The following MYO1D variants were observed in gnomAD, a reference collection of about 807,000 sequenced individuals.
The protein encoded by MYO1D is unconventional myosin-Id.
In MYO1D, 83 loss-of-function variants were observed where a neutral mutation model predicts 122.0. That is an observed-to-expected ratio of 0.68 (90% CI 0.57 to 0.82). The LOEUF is 0.82. Among genes scored for constraint, MYO1D ranks in the 40% least tolerant of loss-of-function variants. The pLI is 0.00. For missense variants in MYO1D, 1,157 were observed against 1,269.5 expected (o/e 0.91, Z 1.35); for synonymous variants, 464 against 446.9 (o/e 1.04, Z -0.48).
At chr17:32,765,197 T>C in intron 7 of MYO1D, 116 bp from the exon 8 acceptor site, 1 of 768,112 alleles carries the variant, frequency 1.3e-6, no homozygotes, top group Non-Finnish European at 2.1e-6. Flanking sequence ...AAATACATTA[T>C]ACATCTCAAC....
At chr17:32,784,428 T>C (rs986471690) in intron 1 of MYO1D, among the ~76,000 whole-genome samples, 3 of 152,184 alleles carry the variant, frequency 2.0e-5, no homozygotes, top group Admixed American at 6.5e-5. Flanking sequence ...GTCAGTTTTA[T>C]GGTCTTTGCT....
At chr17:32,511,849 T>C (rs1163877170) in intron 21 of MYO1D, among the ~76,000 whole-genome samples, 3 of 152,208 alleles carry the variant, frequency 2.0e-5, no homozygotes, top group Non-Finnish European at 4.4e-5. Context: ...ATTTGCTTAT[T>C]CAGCTCACCA....
intron 21 of MYO1D, among the ~76,000 whole-genome samples, chr17:32,595,377 T>C (rs2087481413): frequency 6.6e-6 from 1 of 152,198 alleles, no homozygotes; most frequent in Admixed American, 6.5e-5. Context: ...GTGATAGATA[T>C]GCTAATTACC....
At position 32,845,303 on chromosome 17, in the gene MYO1D, A is replaced by C. The variant is rs181362176; in HGVS notation, c.95+31475T>G. Among the ~76,000 whole-genome samples the C allele has an allele frequency of 8.6e-4, 131 of 152,252 alleles. No individual in the cohort carries two copies. The East Asian group carries it at 0.018, about 20-fold the overall frequency. ...TTAATTATGCTTCCTCTCCCTATTCACTCAATAGCCTCTAGGTTTACCCCT... is the reference window on the plus strand; with the variant it reads ...TTAATTATGCTTCCTCTCCCTATTCCCTCAATAGCCTCTAGGTTTACCCCT... On this transcript the variant is annotated intron_variant, in intron 1 of 21. Coordinates refer to ENST00000318217, the MANE Select transcript of MYO1D (RefSeq NM_015194.3).
chr17:32,621,372 G>C (rs536199512), intron 20 of MYO1D, among the ~76,000 whole-genome samples: 1 of 151,976 alleles, frequency 6.6e-6, no homozygotes, highest in African/African-American at 2.4e-5. Flanking sequence ...GCTGCACTGT[G>C]ATTATTTTTG....
intron 1 of MYO1D, among the ~76,000 whole-genome samples, chr17:32,789,840 G>A (rs1239568381): frequency 1.3e-5 from 2 of 152,140 alleles, no homozygotes; most frequent in Non-Finnish European, 2.9e-5. Flanking sequence ...CTCCCTTGAC[G>A]GTTTTGGGGG....
chr17:32,634,966 C>T (rs1350348325), intron 20 of MYO1D, among the ~76,000 whole-genome samples: 1 of 152,074 alleles, frequency 6.6e-6, no homozygotes, highest in Non-Finnish European at 1.5e-5. Context: ...TCAGTTATAC[C>T]CCAAAATGAA....
At chr17:32,600,114 T>C (rs1271774946) in intron 21 of MYO1D, among the ~76,000 whole-genome samples, 3 of 152,244 alleles carry the variant, frequency 2.0e-5, no homozygotes, top group African/African-American at 7.2e-5. Context: ...TGTCAATGCA[T>C]AGTAATGTTT....
chr17:32,666,931 G>C (rs1028994287), intron 16 of MYO1D, among the ~76,000 whole-genome samples: 1 of 152,186 alleles, frequency 6.6e-6, no homozygotes, highest in African/African-American at 2.4e-5. Flanking sequence ...CTATCTTTAA[G>C]TTCCCCCTAT....
chr17:32,617,795 T>A (rs906555274), intron 20 of MYO1D, among the ~76,000 whole-genome samples: 1 of 152,194 alleles, frequency 6.6e-6, no homozygotes, highest in African/African-American at 2.4e-5. Flanking sequence ...AGAGAAACCT[T>A]AATTTTGTAA....
chr17:32,782,114 C>A (rs2090245220), intron 1 of MYO1D, among the ~76,000 whole-genome samples: 2 of 152,140 alleles, frequency 1.3e-5, no homozygotes, highest in South Asian at 4.1e-4. Flanking sequence ...AAAGCAAGAA[C>A]CTTAAATTTC....
chr17:32,703,066 TGTTTAGTAGC>T (rs2089267484), intron 16 of MYO1D, among the ~76,000 whole-genome samples: 1 of 152,218 alleles, frequency 6.6e-6, no homozygotes, highest in African/African-American at 2.4e-5. Context: ...ATAATTTATA[TGTTTAGTAGC>T]CTTCAGTGAG....
chr17:32,792,278 C>A (rs1326589472), intron 1 of MYO1D, among the ~76,000 whole-genome samples: 1 of 152,192 alleles, frequency 6.6e-6, no homozygotes, highest in Non-Finnish European at 1.5e-5. Flanking sequence ...TCCAAAGAGA[C>A]TGTACCAATT....
intron 1 of MYO1D, chr17:32,863,052 T>C (rs2091091581): frequency 1.3e-5 from 2 of 152,210 alleles, no homozygotes; most frequent in African/African-American, 4.8e-5. Flanking sequence ...AAGAGGTTTC[T>C]TTTCAGTAAG....
intron 1 of MYO1D, among the ~76,000 whole-genome samples, chr17:32,838,040 T>C (rs10512440): frequency 0.025 from 3,846 of 152,262 alleles, 129 homozygotes; most frequent in East Asian, 0.19. Context: ...TCTTTGTGCT[T>C]TTCAAATTTT....
chr17:32,864,014 T>C lies in MYO1D; in HGVS notation c.95+12764A>G, dbSNP rs1218223320. Among the ~76,000 whole-genome samples, 356 of 81,970 alleles carry C rather than the reference T, an allele frequency of 4.3e-3. 17 individuals carry two copies. The highest frequency in any genetic ancestry group is 0.013 in the African/African-American group (326 of 24,958). 53.8% of individuals were successfully genotyped at this position (81,970 alleles called of 152,430 possible). The stretch of plus-strand genomic sequence containing the variant: ...GGTTACAAACATTTCTTCCTTTTTT[T>C]TTTTTTTTTTTTTTTTTTTTTTTTT... On this transcript the variant is annotated intron_variant, in intron 1 of 21. Transcript: ENST00000318217.
chr17:32,698,788 A>C (rs971801457), intron 16 of MYO1D, among the ~76,000 whole-genome samples: 2 of 152,118 alleles, frequency 1.3e-5, no homozygotes, highest in African/African-American at 4.8e-5. Context: ...AGCCACTTTT[A>C]ATCCTTCACA....
rs59585143 is a variant in MYO1D at position 32,561,996 on chromosome 17, C to CTT, written c.2864+43089_2864+43090dup. On this transcript the variant is annotated intron_variant, in intron 21 of 21. Coordinates refer to ENST00000318217, the MANE Select transcript of MYO1D (RefSeq NM_015194.3). ...CATTTTGGCATATTTTCTTCTCTCT[C>CTT]TTTTTTTTTTGGAGACAGGGGTCTT... is the stretch of plus-strand genomic sequence containing the variant. Among the ~76,000 whole-genome samples the CTT allele has an allele frequency of 2.0e-3, 295 of 148,242 alleles. 3 individuals carry two copies. Among genetic ancestry groups the CTT allele is most frequent in the African/African-American group, 6.0e-3 (241 of 40,310 alleles).
chr17:32,815,646 G>A (rs182892518), intron 1 of MYO1D, among the ~76,000 whole-genome samples: 3 of 152,240 alleles, frequency 2.0e-5, no homozygotes, highest in East Asian at 3.9e-4. Context: ...AAACAAACAA[G>A]AAAGCATGCT....
Sources: gnomAD v4.1 joint callset for allele counts (sites outside exome capture counted in the v4.1 genomes callset) on GRCh38, gnomAD v4.1.1 for gene constraint, MANE v1.5 for transcripts, NCBI Gene and HGNC (gene_info 2026-07-23, HGNC 2026-07-21) for gene names.